COL14A1: variants seen among roughly 807,000 people sequenced by gnomAD.
COL14A1 encodes collagen type XIV alpha 1 chain.
In COL14A1, 136 loss-of-function variants were observed where a neutral mutation model predicts 230.3. The ratio of observed to expected loss-of-function variants is 0.59; its 90% confidence interval spans 0.51 to 0.68. The LOEUF is 0.68. Ranked by LOEUF, COL14A1 falls within the 30% of genes least tolerant of loss-of-function variation. COL14A1 has a pLI of 0.00. For synonymous variants in COL14A1, 792 were observed against 784.1 expected, an observed-to-expected ratio of 1.01 and a Z score of -0.17; for missense variants, 1,976 against 2,215.8, an observed-to-expected ratio of 0.89 and a Z score of 2.17.
At chr8:120,252,974 C>T (rs1819022654) in intron 22 of COL14A1, among the ~76,000 whole-genome samples, 1 of 152,146 alleles carries the variant, frequency 6.6e-6, no homozygotes, top group East Asian at 1.9e-4. Flanking sequence ...AAATAGTCTC[C>T]ATCTTCAACA....
Position 120,371,988 on chromosome 8 carries a change from A to C in COL14A1, c.*757A>C, listed in dbSNP as rs1347062486. On this transcript the variant is annotated 3_prime_UTR_variant, in exon 48 of 48. Coordinates refer to ENST00000297848, the MANE Select transcript of COL14A1 (RefSeq NM_021110.4). ...TTTGTACATGCAGATAAGTTTTCGC[A>C]AACCTATTTCCATTTTCTTTTGTAA... The C allele has an allele frequency of 1.4e-5, 3 of 218,980 alleles. No homozygotes were observed. Among genetic ancestry groups the C allele is most frequent in the Non-Finnish European group, 2.7e-5 (3 of 111,610 alleles). The allele number at this position is 218,980 out of a possible 1,614,324, so 13.6% of individuals were successfully genotyped here. A position where few individuals can be genotyped will look rare whatever the true frequency, so the allele number is the denominator to read the frequency against.
At chr8:120,201,381 C>T (rs151127862) in intron 8 of COL14A1, among the ~76,000 whole-genome samples, 2 of 152,164 alleles carry the variant, frequency 1.3e-5, no homozygotes, top group African/African-American at 4.8e-5. Context: ...CACCTTTTCC[C>T]AAGTCTGCAT....
chr8:120,197,874 A>G lies in COL14A1; in HGVS notation c.656A>G (p.Asp219Gly). 3.7e-6 allele frequency: 6 copies of G among 1,613,788 alleles called. No individual in the cohort carries two copies. The highest frequency in any genetic ancestry group is 5.1e-6 in the Non-Finnish European group (6 of 1,179,722). ...CACTTGAATGCATTTAGCACAAAAG[A>G]TGAAGTGATTGAAGCTGTCCGAAAC... ...EWHLNAFSTK[D>G]EVIEAVRNLP... is the part of the protein sequence containing the mutation. The change falls in exon 7 of 48, where the codon GAT becomes GGT. Residue 219 changes from aspartate (D) to glycine (G), a missense_variant. This residue lies in a region of COL14A1 where 1,791 missense variants were observed against 2,019.5 expected (regional missense o/e 0.89). Coordinates refer to ENST00000297848, the MANE Select transcript of COL14A1 (RefSeq NM_021110.4).
chr8:120,300,784 C>T lies in COL14A1; in HGVS notation c.4367C>T (p.Thr1456Ile). 1 of 1,613,634 alleles carries T rather than the reference C, an allele frequency of 6.2e-7. No homozygotes were observed. Among genetic ancestry groups the T allele is most frequent in the Non-Finnish European group, 8.5e-7 (1 of 1,179,666 alleles). ...DLPHSCSCSETNEVALGPAGP... is the reference protein window; with the variant it reads ...DLPHSCSCSEINEVALGPAGP... The stretch of plus-strand genomic sequence containing the variant: ...CCCCATTCCTGCTCCTGTTCTGAAA[C>T]CAATGAAGTGGCTCTGGGACCAGCG... Residue 1456 changes from threonine (T) to isoleucine (I), a missense_variant, in exon 36 of 48, where the codon ACC becomes ATC. This residue lies in a region of COL14A1 where 1,791 missense variants were observed against 2,019.5 expected (regional missense o/e 0.89). Coordinates refer to ENST00000297848, the MANE Select transcript of COL14A1 (RefSeq NM_021110.4).
intron 13 of COL14A1, among the ~76,000 whole-genome samples, chr8:120,213,366 TCTC>T (rs967620798): frequency 2.0e-5 from 3 of 152,172 alleles, no homozygotes; most frequent in African/African-American, 7.2e-5. Flanking sequence ...TCACCACTCT[TCTC>T]CTAGACTCGG....
Position 120,146,155 on chromosome 8 carries a change from A to G in COL14A1, c.-37-1651A>G, listed in dbSNP as rs1815083136. 2.0e-5 allele frequency among the ~76,000 whole-genome samples: 3 copies of G among 152,242 alleles called. No individual in the cohort carries two copies. In the South Asian group the frequency reaches 6.2e-4, roughly 32 times the overall value. On this transcript the variant is annotated intron_variant, in intron 1 of 47. Transcript: ENST00000297848. ...TATTAGAATTGTACCTACTTCAAAG[A>G]GTTGCTGTGAGGATTAAAGGAATTT...
chr8:120,250,793 C>T, intron 22 of COL14A1, 27 bp downstream of exon 22: 1 of 1,612,394 alleles, frequency 6.2e-7, no homozygotes, highest in Non-Finnish European at 8.5e-7. Context: ...ATGGCCTCAG[C>T]CGCATATGGG....
chr8:120,280,243 C>A, intron 29 of COL14A1, 144 bp downstream of exon 29: 1 of 971,034 alleles, frequency 1.0e-6, no homozygotes, highest in Non-Finnish European at 1.5e-6. Flanking sequence ...AGTTTTGTGG[C>A]TTTGAGCATA....
At chr8:120,255,736 G>A (rs1483872606) in intron 23 of COL14A1, among the ~76,000 whole-genome samples, 1 of 151,744 alleles carries the variant, frequency 6.6e-6, no homozygotes, top group Non-Finnish European at 1.5e-5. Flanking sequence ...TCTAATTTGG[G>A]TATTCACTCT....
intron 46 of COL14A1, among the ~76,000 whole-genome samples, chr8:120,368,975 A>G (rs1415560734): frequency 6.6e-6 from 1 of 152,214 alleles, no homozygotes; most frequent in Non-Finnish European, 1.5e-5. Context: ...GTGCACGCCC[A>G]TAGATTGGAT....
At chr8:120,348,918 T>C (rs1400647487) in intron 45 of COL14A1, among the ~76,000 whole-genome samples, 2 of 152,240 alleles carry the variant, frequency 1.3e-5, no homozygotes, top group Non-Finnish European at 2.9e-5. Flanking sequence ...TCTTCTTTTG[T>C]TAAAAGAACG....
chr8:120,190,215 A>T (rs13271925), intron 5 of COL14A1, among the ~76,000 whole-genome samples: 51,175 of 151,194 alleles, frequency 0.34, 9,440 homozygotes, highest in Admixed American at 0.48. Context: ...TGGTTTTGAT[A>T]TGCATTTCTC....
chr8:120,278,380 A>G, intron 27 of COL14A1, 55 bp from the exon 28 acceptor site: 2 of 1,577,804 alleles, frequency 1.3e-6, no homozygotes, highest in Non-Finnish European at 1.7e-6. Context: ...TTTCTTCTCC[A>G]GAAAAACAAA....
chr8:120,218,507 A>C (rs894963305), intron 14 of COL14A1, among the ~76,000 whole-genome samples: 45 of 151,914 alleles, frequency 3.0e-4, no homozygotes, highest in African/African-American at 1.0e-3. Flanking sequence ...ACAGGGTTTC[A>C]CCATGTTGTG....
intron 25 of COL14A1, 60 bp downstream of exon 25, chr8:120,266,943 T>A (rs1819519510): frequency 7.0e-7 from 1 of 1,420,152 alleles, no homozygotes; most frequent in Non-Finnish European, 9.9e-7. Flanking sequence ...TGGTTTTGTT[T>A]GCCTGTTCAT....
chr8:120,292,602 A>T (rs1258312082), intron 34 of COL14A1, among the ~76,000 whole-genome samples: 2 of 152,114 alleles, frequency 1.3e-5, no homozygotes, highest in Non-Finnish European at 2.9e-5. Flanking sequence ...TTTCAATTTT[A>T]AATTTAGAAA....
chr8:120,142,840 A>G (rs1259398257), intron 1 of COL14A1, among the ~76,000 whole-genome samples: 2 of 152,244 alleles, frequency 1.3e-5, no homozygotes, highest in Non-Finnish European at 2.9e-5. Flanking sequence ...TATTTAAAAA[A>G]AGCTTAGTTG....
intron 19 of COL14A1, among the ~76,000 whole-genome samples, chr8:120,242,916 G>A (rs16893712): frequency 0.095 from 14,405 of 152,104 alleles, 1,290 homozygotes; most frequent in East Asian, 0.4. Flanking sequence ...AGACAGCATC[G>A]CCCTTTGCCT....
intron 1 of COL14A1, among the ~76,000 whole-genome samples, chr8:120,146,727 A>G (rs1200826356): frequency 6.6e-6 from 1 of 152,122 alleles, no homozygotes; most frequent in Non-Finnish European, 1.5e-5. Flanking sequence ...TACCTGTGAA[A>G]TTTGGCACCG....
Sources: allele counts gnomAD v4.1 joint callset (sites outside exome capture counted in the v4.1 genomes callset), GRCh38; gene constraint gnomAD v4.1.1; regional missense constraint gnomAD v4.1.1; transcripts MANE v1.5; gene names NCBI Gene and HGNC (gene_info 2026-07-23, HGNC 2026-07-21).